The following ABCF2 variants were observed in gnomAD, a reference collection of about 807,000 sequenced individuals.
The protein encoded by ABCF2 is ATP-binding cassette sub-family F member 2.
Under a neutral mutation model 76.9 loss-of-function variants are expected in ABCF2, and 37 were observed. The ratio of observed to expected loss-of-function variants is 0.48; its 90% CI spans 0.37 to 0.63. ABCF2 has a LOEUF of 0.63. Among genes scored for constraint, ABCF2 ranks in the 30% least tolerant of loss-of-function variants. The pLI, the probability that ABCF2 is intolerant of heterozygous loss-of-function variation, is 0.00. For synonymous variants in ABCF2, 299 were observed against 283.7 expected (o/e 1.05, Z -0.54); for missense variants, 524 against 782.1 (o/e 0.67, Z 3.94).
At position 151,219,172 on chromosome 7, in the gene ABCF2, G is replaced by T. The variant is rs376022395; in HGVS notation, c.922-13C>A. 5 of 1,611,928 alleles carry T rather than the reference G, an allele frequency of 3.1e-6. No individual in the cohort carries two copies. In the African/African-American group the frequency reaches 6.7e-5, roughly 22 times the overall value. On this transcript the variant is annotated splice_polypyrimidine_tract_variant and intron_variant, in intron 7 of 14. Coordinates refer to ENST00000287844, the MANE Select transcript of ABCF2 (RefSeq NM_007189.3). Reference sequence around the variant, plus strand: ...GATCATAATTACCCTGCATGGAAATGTGCCAGGTAAGGCAGGCAGCTTTAA... The same window carrying T: ...GATCATAATTACCCTGCATGGAAATTTGCCAGGTAAGGCAGGCAGCTTTAA...
Position 151,211,740 on chromosome 7 carries a change from TC to T in ABCF2, c.*2313del, listed in dbSNP as rs1167400053. The T allele has an allele frequency of 2.0e-6, 2 of 985,304 alleles. No homozygotes were observed. Among genetic ancestry groups the T allele is most frequent in the East Asian group, 2.3e-4 (2 of 8,810 alleles). The allele number at this position is 985,304 out of a possible 1,614,324, so 61.0% of individuals were successfully genotyped here. Reference sequence around the variant, plus strand: ...GCAGCCCACTCTCCAGATGCCATTCTCCCCTGAACCAAGGCTCTGGACTCTC... The same window carrying T: ...GCAGCCCACTCTCCAGATGCCATTCTCCCTGAACCAAGGCTCTGGACTCTC... On this transcript the variant is annotated 3_prime_UTR_variant, in exon 15 of 15. Coordinates refer to ENST00000287844, the MANE Select transcript of ABCF2 (RefSeq NM_007189.3).
Position 151,224,758 on chromosome 7 carries a change from C to T in ABCF2, c.367+18G>A. 1 of 1,609,286 alleles carries T rather than the reference C, an allele frequency of 6.2e-7. No homozygotes were observed. Among genetic ancestry groups the T allele is most frequent in the South Asian group, 1.1e-5 (1 of 90,972 alleles). On this transcript the variant is annotated intron_variant, in intron 3 of 14. Transcript: ENST00000287844. Reference sequence around the variant, plus strand: ...AGCTAAGGAGAGATACCTCCCACCTCCCCTTCCAAGGCCTCACCAATTCCA... The same window carrying T: ...AGCTAAGGAGAGATACCTCCCACCTTCCCTTCCAAGGCCTCACCAATTCCA...
intron 11 of ABCF2, among the ~76,000 whole-genome samples, chr7:151,217,876 T>G (rs1001765685): frequency 6.6e-6 from 1 of 151,448 alleles, no homozygotes; most frequent in Non-Finnish European, 1.5e-5. Context: ...TACCTATCCC[T>G]GTCCCAGGAA....
chr7:151,211,525 T>C lies in ABCF2; in HGVS notation c.*2529A>G. ...TATTTTGTGGACTTTTAAAGCATTA[T>C]TTAAATTACCAAGGTTGACATTTTT... On this transcript the variant is annotated 3_prime_UTR_variant, in exon 15 of 15. Transcript: ENST00000287844. The C allele has an allele frequency of 1.0e-6, 1 of 985,064 alleles. No individual in the cohort carries two copies. Among genetic ancestry groups the C allele is most frequent in the African/African-American group, 1.7e-5 (1 of 57,356 alleles). The allele number at this position is 985,064 out of a possible 1,614,324, so 61.0% of individuals were successfully genotyped here.
rs561434173 is a variant in ABCF2 at position 151,215,803 on chromosome 7, T to A, written c.1402-71A>T. The A allele has an allele frequency of 1.9e-6, 3 of 1,606,944 alleles. No homozygotes were observed. In the African/African-American group the frequency reaches 4.0e-5, roughly 22 times the overall value. The stretch of plus-strand genomic sequence containing the variant: ...TCAAAATAAACCCTACTAGGTAACT[T>A]CCTATTTCTATCCCAGGCACCTGTT... On this transcript the variant is annotated intron_variant, in intron 12 of 14. Transcript: ENST00000287844. This position sits in a 1 kb window ranked among gnomAD's most constrained non-coding sequence, Gnocchi z 4.6.
intron 7 of ABCF2, among the ~76,000 whole-genome samples, 153 bp from the exon 8 acceptor site, chr7:151,219,312 A>C (rs1174268774): frequency 6.6e-6 from 1 of 152,228 alleles, no homozygotes; most frequent in Non-Finnish European, 1.5e-5. Flanking sequence ...TTACAGAAGC[A>C]TATCCTAACA....
Position 151,214,807 on chromosome 7 carries a change from C to T in ABCF2, c.1734+72G>A, listed in dbSNP as rs1802117786. ...TCAGTAGGCGGGTATTATGCACCCT[C>T]CACATGCCATGACTACCCTACCCAA... On this transcript the variant is annotated intron_variant, in intron 14 of 14. Coordinates refer to ENST00000287844, the MANE Select transcript of ABCF2 (RefSeq NM_007189.3). This position sits in a 1 kb window ranked among gnomAD's most constrained non-coding sequence, Gnocchi z 4.9. The T allele has an allele frequency of 2.1e-6, 3 of 1,460,218 alleles. No individual in the cohort carries two copies. In the South Asian group the frequency reaches 3.5e-5, roughly 17 times the overall value. 90.5% of individuals were successfully genotyped at this position (1,460,218 alleles called of 1,614,324 possible). A position where few individuals can be genotyped will look rare whatever the true frequency, so the allele number is the denominator to read the frequency against.
intron 7 of ABCF2, among the ~76,000 whole-genome samples, chr7:151,219,456 C>T (rs887669359): frequency 2.0e-5 from 3 of 152,228 alleles, no homozygotes; most frequent in Non-Finnish European, 1.5e-5. Context: ...GTCATACGGA[C>T]GTCACGAGGC....
chr7:151,216,103 A>G, intron 11 of ABCF2, 74 bp from the exon 12 acceptor site: 2 of 1,305,414 alleles, frequency 1.5e-6, no homozygotes, highest in Non-Finnish European at 2.2e-6. Context: ...GAGCAGGCAA[A>G]CAAACACATG....
rs1802287744 is a variant in ABCF2, at chr7:151,222,450, T to G, written c.818+71A>C. ...CTCACCGCTCTAACATCAGTGCAGT[T>G]TCTGGGCATCCATTTTCTAGATTCC... On this transcript the variant is annotated intron_variant, in intron 6 of 14. Coordinates refer to ENST00000287844, the MANE Select transcript of ABCF2 (RefSeq NM_007189.3). The G allele has an allele frequency of 2.3e-6, 3 of 1,295,996 alleles. No individual in the cohort carries two copies. In the South Asian group the frequency reaches 3.7e-5, roughly 16 times the overall value. 80.3% of individuals were successfully genotyped at this position (1,295,996 alleles called of 1,614,324 possible). A position where few individuals can be genotyped will look rare whatever the true frequency, so the allele number is the denominator to read the frequency against.
rs1361833733 is a variant in ABCF2 at position 151,213,090 on chromosome 7, CTGTGCAGTTGGGGCAGAACCT to C, written c.*943_*963del. On this transcript the variant is annotated 3_prime_UTR_variant, in exon 15 of 15. Coordinates refer to ENST00000287844, the MANE Select transcript of ABCF2 (RefSeq NM_007189.3). ...GCATTTTTAACAAGCAGCCCAACTG[CTGTGCAGTTGGGGCAGAACCT>C]CAGATCACAATCAGAAAACCACGCT... 4.9e-5 allele frequency: 48 copies of C among 985,330 alleles called. No homozygotes were observed. The highest frequency in any genetic ancestry group is 5.5e-5 in the Non-Finnish European group (46 of 829,966). The allele number at this position is 985,330 out of a possible 1,614,324, so 61.0% of individuals were successfully genotyped here. A position where few individuals can be genotyped will look rare whatever the true frequency, so the allele number is the denominator to read the frequency against.
At position 151,219,235 on chromosome 7, in the gene ABCF2, G is replaced by A; in HGVS notation, c.922-76C>T. 4.6e-6 allele frequency: 6 copies of A among 1,297,942 alleles called. No homozygotes were observed. The South Asian group carries it at 7.1e-5, about 15-fold the overall frequency. 80.4% of individuals were successfully genotyped at this position (1,297,942 alleles called of 1,614,324 possible). On this transcript the variant is annotated intron_variant, in intron 7 of 14. Coordinates refer to ENST00000287844, the MANE Select transcript of ABCF2 (RefSeq NM_007189.3). ...TCCTGGATTCTCACTCAGAGTTTAG[G>A]GGGATGAGGGATGGCACTAACTTGG...
chr7:151,212,228 AGT>A lies in ABCF2; in HGVS notation c.*1824_*1825del. 1.0e-6 allele frequency: 1 copy of A among 985,466 alleles called. No individual in the cohort carries two copies. Among genetic ancestry groups the A allele is most frequent in the Non-Finnish European group, 1.2e-6 (1 of 829,926 alleles). The allele number at this position is 985,466 out of a possible 1,614,324, so 61.0% of individuals were successfully genotyped here. A position where few individuals can be genotyped will look rare whatever the true frequency, so the allele number is the denominator to read the frequency against. On this transcript the variant is annotated 3_prime_UTR_variant, in exon 15 of 15. Coordinates refer to ENST00000287844, the MANE Select transcript of ABCF2 (RefSeq NM_007189.3). ...TAGGGATGGCTGATTTCAGAGGCAGAGTGATGAATCCACACCAGGAAGGATGG... is the reference window on the plus strand; with the variant it reads ...TAGGGATGGCTGATTTCAGAGGCAGAGATGAATCCACACCAGGAAGGATGG...
Position 151,218,389 on chromosome 7 carries a change from C to T in ABCF2, c.1227+172G>A, listed in dbSNP as rs576310021. ...CTGAGTAGTCTTCTTTCCATATACA[C>T]GAAGAAAGGCCCGCGAGCAGCCTTG... On this transcript the variant is annotated intron_variant, in intron 10 of 14. Transcript: ENST00000287844. 5.3e-5 allele frequency among the ~76,000 whole-genome samples: 8 copies of T among 152,220 alleles called. No homozygotes were observed. The East Asian group carries it at 1.2e-3, about 22-fold the overall frequency.
intron 7 of ABCF2, 46 bp downstream of exon 7, chr7:151,221,531 GA>G (rs771222537): frequency 1.8e-6 from 2 of 1,081,572 alleles, no homozygotes; most frequent in South Asian, 2.8e-5. Flanking sequence ...GAATTTCAGA[GA>G]ATTGGTATGC....
chr7:151,222,501 C>G lies in ABCF2; in HGVS notation c.818+20G>C. 6.2e-7 allele frequency: 1 copy of G among 1,602,110 alleles called. No homozygotes were observed. Among genetic ancestry groups the G allele is most frequent in the Non-Finnish European group, 8.6e-7 (1 of 1,169,456 alleles). The stretch of plus-strand genomic sequence containing the variant: ...CCCTTTGGGACCTGCCCGCTCACAT[C>G]CCCCATTCCACCCTCTTACGTTTTT... On this transcript the variant is annotated intron_variant, in intron 6 of 14. Transcript: ENST00000287844.
intron 11 of ABCF2, among the ~76,000 whole-genome samples, chr7:151,216,590 T>C (rs1802155939): frequency 6.6e-6 from 1 of 152,166 alleles, no homozygotes; most frequent in South Asian, 2.1e-4. Context: ...AGTGGCGAGA[T>C]CTCGACTAAC....
intron 7 of ABCF2, 80 bp downstream of exon 7, chr7:151,221,498 G>A (rs1802266593): frequency 1.0e-6 from 1 of 954,592 alleles, no homozygotes; most frequent in Non-Finnish European, 1.6e-6. Context: ...CACCACACCA[G>A]CCTTTTTTTT....
chr7:151,217,851 T>C (rs1042870475), intron 11 of ABCF2, among the ~76,000 whole-genome samples: 11 of 150,110 alleles, frequency 7.3e-5, no homozygotes, highest in African/African-American at 2.7e-4. Context: ...ACACACACAC[T>C]CTAAGACTCC....
Sources: gnomAD v4.1 joint callset for allele counts (sites outside exome capture counted in the v4.1 genomes callset) on GRCh38, gnomAD v4.1.1 for gene constraint, Gnocchi (gnomAD v3.1) non-coding constraint, MANE v1.5 for transcripts, NCBI Gene and HGNC (gene_info 2026-07-23, HGNC 2026-07-21) for gene names.